The following MAPK10 variants were observed in gnomAD, a reference collection of about 807,000 sequenced individuals.
MAPK10 encodes the protein mitogen-activated protein kinase 10.
In MAPK10, 25 loss-of-function variants were observed where a neutral mutation model predicts 59.3. That is an observed-to-expected ratio of 0.42 (90% CI 0.31 to 0.59). MAPK10 has a LOEUF of 0.59. Ranked by LOEUF, MAPK10 falls within the 20% of genes least tolerant of loss-of-function variation. The pLI is 0.15. For missense variants in MAPK10, 351 were observed against 568.9 expected (o/e 0.62, Z 3.90); for synonymous variants, 190 against 200.5 (o/e 0.95, Z 0.44).
At chr4:86,157,772 A>G (rs1033518978) in intron 4 of MAPK10, among the ~76,000 whole-genome samples, 2 of 110,258 alleles carry the variant, frequency 1.8e-5, no homozygotes, top group South Asian at 2.6e-4. Flanking sequence ...AAAATGTTCA[A>G]ATCTTTGTGA....
chr4:86,408,169 T>A (rs1744617614), intron 1 of MAPK10, among the ~76,000 whole-genome samples: 3 of 151,910 alleles, frequency 2.0e-5, no homozygotes, highest in Non-Finnish European at 4.4e-5. Context: ...TCTGTCCTTG[T>A]GATAGTTTGC....
At chr4:86,559,569 A>C (rs2149103685) in intron 1 of MAPK10, among the ~76,000 whole-genome samples, 1 of 152,330 alleles carries the variant, frequency 6.6e-6, no homozygotes, top group Admixed American at 6.5e-5. Context: ...GAAAGGGTGA[A>C]GAGAGGAAAG....
At chr4:86,285,229 T>G (rs957837343) in intron 2 of MAPK10, among the ~76,000 whole-genome samples, 10 of 152,112 alleles carry the variant, frequency 6.6e-5, no homozygotes, top group African/African-American at 2.4e-4. Flanking sequence ...GACACTTTTT[T>G]TTTTTTGAGA....
At chr4:86,231,332 A>G in intron 2 of MAPK10, among the ~76,000 whole-genome samples, 1 of 152,068 alleles carries the variant, frequency 6.6e-6, no homozygotes, top group Non-Finnish European at 1.5e-5. Flanking sequence ...CTGCATTTTT[A>G]TTTGCCAAAG....
intron 2 of MAPK10, among the ~76,000 whole-genome samples, chr4:86,249,234 G>A (rs1289551905): frequency 6.6e-6 from 1 of 152,094 alleles, no homozygotes; most frequent in African/African-American, 2.4e-5. Flanking sequence ...AAATAAATAG[G>A]AGCTTATTTT....
intron 4 of MAPK10, among the ~76,000 whole-genome samples, chr4:86,151,034 G>A (rs933000124): frequency 8.5e-5 from 13 of 152,196 alleles, no homozygotes; most frequent in Admixed American, 6.5e-4. Flanking sequence ...GTGAGAGGTC[G>A]TCCATAGGCA....
At chr4:86,187,939 C>T (rs2078686215) in intron 3 of MAPK10, among the ~76,000 whole-genome samples, 2 of 152,154 alleles carry the variant, frequency 1.3e-5, no homozygotes, top group Middle Eastern at 3.4e-3. Context: ...GTGTGATGTT[C>T]CCCTCCCTGT....
intron 1 of MAPK10, among the ~76,000 whole-genome samples, chr4:86,522,651 C>T (rs1757202198): frequency 6.6e-6 from 1 of 152,144 alleles, no homozygotes; most frequent in African/African-American, 2.4e-5. Flanking sequence ...TTGTTCCCCA[C>T]CTAAATCCTT....
rs145238187 is a variant in MAPK10 at position 86,405,738 on chromosome 4, G to T, written c.-122+47292C>A. Among the ~76,000 whole-genome samples the T allele has an allele frequency of 3.2e-3, 494 of 152,296 alleles. 2 individuals are homozygous for T. Among genetic ancestry groups the T allele is most frequent in the African/African-American group, 0.011 (454 of 41,564 alleles). ...AGCAACACAGTCCTTAGCTGGCAAAGATCTAGATGATCACTTCTAGATTTC... is the reference window on the plus strand; with the variant it reads ...AGCAACACAGTCCTTAGCTGGCAAATATCTAGATGATCACTTCTAGATTTC... On this transcript the variant is annotated intron_variant, in intron 1 of 13. Coordinates refer to the MAPK10 transcript ENST00000361569.
At chr4:86,437,605 G>T (rs1385840066) in intron 1 of MAPK10, among the ~76,000 whole-genome samples, 1 of 152,144 alleles carries the variant, frequency 6.6e-6, no homozygotes, top group Non-Finnish European at 1.5e-5. Context: ...TATCAAGTAT[G>T]AATGATGAGG....
At chr4:86,199,195 TTA>T (rs2082071385) in intron 2 of MAPK10, among the ~76,000 whole-genome samples, 1 of 152,042 alleles carries the variant, frequency 6.6e-6, no homozygotes, top group African/African-American at 2.4e-5. Flanking sequence ...AGAGAAACTC[TTA>T]TGTTTTTATA....
chr4:86,410,513 C>A (rs1341116539), intron 1 of MAPK10, among the ~76,000 whole-genome samples: 4 of 152,166 alleles, frequency 2.6e-5, no homozygotes, highest in African/African-American at 9.7e-5. Context: ...TAGAATTCGG[C>A]TGTGAATCCA....
chr4:86,448,249 C>T (rs538406857), intron 1 of MAPK10, among the ~76,000 whole-genome samples: 1 of 152,186 alleles, frequency 6.6e-6, no homozygotes, highest in East Asian at 1.9e-4. Flanking sequence ...ATTAATATAG[C>T]TTTATGTAGC....
chr4:86,057,311 GTTAA>G (rs2044777874), intron 11 of MAPK10, among the ~76,000 whole-genome samples: 1 of 150,038 alleles, frequency 6.7e-6, no homozygotes, highest in Admixed American at 6.6e-5. Flanking sequence ...AGCATAACTT[GTTAA>G]TTATGATTCA....
intron 1 of MAPK10, among the ~76,000 whole-genome samples, chr4:86,412,638 A>T (rs1031413948): frequency 1.3e-5 from 2 of 151,744 alleles, no homozygotes; most frequent in Non-Finnish European, 2.9e-5. Context: ...TTCTCACTTT[A>T]TTTCATTTAT....
At chr4:86,541,187 G>T (rs1415929235) in intron 1 of MAPK10, among the ~76,000 whole-genome samples, 1 of 152,164 alleles carries the variant, frequency 6.6e-6, no homozygotes, top group African/African-American at 2.4e-5. Context: ...GGCTTATGGG[G>T]AAAGTGGGGA....
intron 1 of MAPK10, among the ~76,000 whole-genome samples, chr4:86,388,482 C>A (rs543410420): frequency 1.3e-5 from 2 of 152,140 alleles, no homozygotes; most frequent in South Asian, 4.2e-4. Flanking sequence ...CAGTAATATG[C>A]CTAATCATAC....
intron 4 of MAPK10, among the ~76,000 whole-genome samples, chr4:86,148,349 A>G (rs1460256204): frequency 6.6e-6 from 1 of 152,228 alleles, no homozygotes; most frequent in African/African-American, 2.4e-5. Context: ...GAAAGAAAAT[A>G]GCTTCATATA....
intron 2 of MAPK10, among the ~76,000 whole-genome samples, chr4:86,221,809 A>G (rs1185582465): frequency 1.3e-5 from 2 of 152,134 alleles, no homozygotes; most frequent in African/African-American, 4.8e-5. Context: ...ATCATGTTCA[A>G]TTGTAATCCC....
Sources: gnomAD v4.1 joint callset for allele counts (sites outside exome capture counted in the v4.1 genomes callset) on GRCh38, gnomAD v4.1.1 for gene constraint, MANE v1.5 for transcripts, NCBI Gene and HGNC (gene_info 2026-07-23, HGNC 2026-07-21) for gene names.